CA10: variants seen among roughly 807,000 people sequenced by gnomAD.
The protein encoded by CA10 is carbonic anhydrase-related protein 10.
CA10 carries 14 observed loss-of-function variants against 44.2 expected under a neutral mutation model. The ratio of observed to expected loss-of-function variants is 0.32; its 90% CI spans 0.21 to 0.50. The LOEUF (loss-of-function observed/expected upper bound fraction) is 0.50, where lower values mean the gene tolerates loss of function less well. Among genes scored for constraint, CA10 ranks in the 20% least tolerant of loss-of-function variants. CA10 has a pLI of 0.99. For missense variants in CA10, 350 were observed against 409.7 expected (o/e 0.85, Z 1.26); for synonymous variants, 159 against 141.6 (o/e 1.12, Z -0.87).
intron 2 of CA10, among the ~76,000 whole-genome samples, chr17:52,043,966 C>T (rs2319636): frequency 0.99 from 151,025 of 152,204 alleles, 74,942 homozygotes; most frequent in East Asian, 1. Flanking sequence ...TAGTATTTTG[C>T]TGAGGATTTT....
At chr17:51,635,502 A>T (rs1470276111) in intron 7 of CA10, among the ~76,000 whole-genome samples, 1 of 151,464 alleles carries the variant, frequency 6.6e-6, no homozygotes, top group African/African-American at 2.4e-5. Flanking sequence ...GACAAGAGCG[A>T]GACTCCATCT....
intron 1 of CA10, among the ~76,000 whole-genome samples, chr17:52,087,070 A>C (rs1988135151): frequency 6.6e-6 from 1 of 152,182 alleles, no homozygotes; most frequent in South Asian, 2.1e-4. Context: ...AGTCAATACA[A>C]ACAACTCAAT....
intron 3 of CA10, among the ~76,000 whole-genome samples, chr17:51,889,799 G>A (rs895637915): frequency 6.6e-6 from 1 of 152,114 alleles, no homozygotes; most frequent in African/African-American, 2.4e-5. Context: ...ATGAAAACAA[G>A]GTTTCCATCA....
At chr17:51,862,617 A>G (rs768155937) in intron 3 of CA10, among the ~76,000 whole-genome samples, 3 of 152,176 alleles carry the variant, frequency 2.0e-5, no homozygotes, top group Non-Finnish European at 4.4e-5. Flanking sequence ...GATCGCCATA[A>G]CAAAATACCA....
At chr17:52,062,130 C>A (rs1987405067) in intron 2 of CA10, among the ~76,000 whole-genome samples, 1 of 139,964 alleles carries the variant, frequency 7.1e-6, no homozygotes, top group Admixed American at 7.7e-5. Context: ...TGCAGTGGCA[C>A]AATCTTGGCT....
chr17:51,972,035 T>A (rs748076346), intron 2 of CA10, among the ~76,000 whole-genome samples: 12 of 152,046 alleles, frequency 7.9e-5, no homozygotes, highest in Non-Finnish European at 1.2e-4. Context: ...TCAAATATCT[T>A]GCAGCCTCGG....
intron 5 of CA10, among the ~76,000 whole-genome samples, chr17:51,649,792 T>C (rs191631914): frequency 6.7e-6 from 1 of 149,442 alleles, no homozygotes; most frequent in East Asian, 2.0e-4. Context: ...TTAAGCAAGG[T>C]AGGGACTGAC....
At chr17:52,057,091 TAG>T (rs1347707268) in intron 2 of CA10, among the ~76,000 whole-genome samples, 2 of 152,060 alleles carry the variant, frequency 1.3e-5, no homozygotes, top group Non-Finnish European at 2.9e-5. Context: ...ACTGAATAAT[TAG>T]AGTTTCCCCC....
At chr17:51,887,900 C>T (rs969532404) in intron 3 of CA10, among the ~76,000 whole-genome samples, 1 of 151,100 alleles carries the variant, frequency 6.6e-6, no homozygotes, top group Non-Finnish European at 1.5e-5. Context: ...GTGGCAGGTG[C>T]CTGTAATCCC....
intron 6 of CA10, among the ~76,000 whole-genome samples, chr17:51,641,942 TC>T (rs1281670309): frequency 1.3e-5 from 2 of 152,196 alleles, no homozygotes; most frequent in East Asian, 3.8e-4. Flanking sequence ...CACGGTAGTT[TC>T]AGAGATCAAT....
At chr17:51,981,121 A>G (rs1408100006) in intron 2 of CA10, among the ~76,000 whole-genome samples, 1 of 152,072 alleles carries the variant, frequency 6.6e-6, no homozygotes, top group South Asian at 2.1e-4. Flanking sequence ...ATAGTTTCTT[A>G]AAAGGTTACA....
intron 3 of CA10, among the ~76,000 whole-genome samples, chr17:51,875,044 G>A (rs1381694061): frequency 6.6e-6 from 1 of 150,444 alleles, no homozygotes; most frequent in Admixed American, 6.6e-5. Context: ...TTTGATCATG[G>A]TTCACTGCAG....
intron 3 of CA10, among the ~76,000 whole-genome samples, chr17:51,873,019 A>G (rs1979887493): frequency 6.6e-6 from 1 of 152,214 alleles, no homozygotes; most frequent in Non-Finnish European, 1.5e-5. Context: ...CACTGTCAAG[A>G]GTTCAATGTG....
intron 2 of CA10, among the ~76,000 whole-genome samples, chr17:52,027,445 G>A (rs545548086): frequency 4.6e-5 from 7 of 152,122 alleles, no homozygotes; most frequent in Non-Finnish European, 8.8e-5. Context: ...CCCCTCATCA[G>A]TTCTCAGTTT....
At chr17:51,699,715 A>G (rs1915525719) in intron 4 of CA10, among the ~76,000 whole-genome samples, 1 of 152,230 alleles carries the variant, frequency 6.6e-6, no homozygotes, top group Admixed American at 6.5e-5. Context: ...GCCCATGGTA[A>G]CGGGGCATTG....
chr17:51,757,437 A>T (rs1002689332), intron 3 of CA10, among the ~76,000 whole-genome samples: 2 of 152,260 alleles, frequency 1.3e-5, no homozygotes, highest in Admixed American at 6.5e-5. Context: ...ACTGAGACAC[A>T]GAGTGGTTGA....
At position 51,719,689 on chromosome 17, in the gene CA10, C is replaced by G. The variant is rs146141301; in HGVS notation, c.465+27944G>C. ...ATTACTTGAGGCCAGGAGTTTGAGA[C>G]AATCCTGGGCAGCATAGTGAGATCG... On this transcript the variant is annotated intron_variant, in intron 4 of 8. Coordinates refer to ENST00000451037, the MANE Select transcript of CA10 (RefSeq NM_020178.5). Among the ~76,000 whole-genome samples, 60 of 152,062 alleles carry G rather than the reference C, an allele frequency of 3.9e-4. 1 individual carries two copies. The South Asian group carries it at 0.012, about 31-fold the overall frequency.
rs539359928 is a variant in CA10, at chr17:51,916,075, T to G, written c.279+14915A>C. 2.1e-4 allele frequency among the ~76,000 whole-genome samples: 32 copies of G among 152,306 alleles called. 1 individual carries two copies. In the South Asian group the frequency reaches 6.4e-3, roughly 31 times the overall value. ...AGAAGCCTAAAAGCTCCCCTCTATTTCCTCTCTTTAGATTTTGAACGTATT... is the reference window on the plus strand; with the variant it reads ...AGAAGCCTAAAAGCTCCCCTCTATTGCCTCTCTTTAGATTTTGAACGTATT... On this transcript the variant is annotated intron_variant, in intron 3 of 8. Transcript: ENST00000451037.
chr17:51,757,907 A>G (rs1905120886), intron 3 of CA10, among the ~76,000 whole-genome samples: 1 of 152,066 alleles, frequency 6.6e-6, no homozygotes, highest in African/African-American at 2.4e-5. Flanking sequence ...CAGAAGGGAA[A>G]TATTTGGAGC....
Sources: allele counts gnomAD v4.1 joint callset (sites outside exome capture counted in the v4.1 genomes callset), GRCh38; gene constraint gnomAD v4.1.1; transcripts MANE v1.5; gene names NCBI Gene and HGNC (gene_info 2026-07-23, HGNC 2026-07-21).